ACAD9: variants seen among roughly 807,000 people sequenced by gnomAD.
The protein encoded by ACAD9 is complex I assembly factor ACAD9, mitochondrial.
Under a neutral mutation model 70.2 loss-of-function variants are expected in ACAD9, and 53 were observed. That is an observed-to-expected ratio of 0.75 (90% CI 0.61 to 0.95). The LOEUF (loss-of-function observed/expected upper bound fraction) is 0.95, where lower values mean the gene tolerates loss of function less well. ACAD9 is among the 40% of genes least tolerant of loss of function. ACAD9 has a pLI of 0.00. For missense variants in ACAD9, 777 were observed against 802.8 expected, an observed-to-expected ratio of 0.97 and a Z score of 0.39; for synonymous variants, 313 against 312.1, an observed-to-expected ratio of 1.00 and a Z score of -0.03.
chr3:128,883,239 G>A (rs1935144693), intron 1 of ACAD9, among the ~76,000 whole-genome samples: 2 of 152,070 alleles, frequency 1.3e-5, no homozygotes, highest in Admixed American at 1.3e-4. Context: ...ACAGGCGTGT[G>A]CAACCACGCC....
chr3:128,886,008 C>A (rs1440758046), intron 2 of ACAD9, among the ~76,000 whole-genome samples: 6 of 145,596 alleles, frequency 4.1e-5, no homozygotes, highest in Non-Finnish European at 7.5e-5. Flanking sequence ...CAGAGTGTGA[C>A]TTTGTCTAAA....
chr3:128,906,217 C>T lies in ACAD9; in HGVS notation c.1246C>T (p.Leu416=), dbSNP rs1362134913. The change falls in exon 12 of 18, where the codon CTG becomes TTG. Residue 416 remains leucine, a synonymous_variant. Transcript: ENST00000308982. ...YTRDYPYERI[L]RDTRILLIFE... is the part of the protein sequence containing the mutation. Reference sequence around the variant, plus strand: ...AAGGGACTATCCGTACGAGCGCATACTGCGTGACACCCGCATCCTCCTCAT... The same window carrying T: ...AAGGGACTATCCGTACGAGCGCATATTGCGTGACACCCGCATCCTCCTCAT... 3.1e-6 allele frequency: 5 copies of T among 1,614,204 alleles called. No individual in the cohort carries two copies. Among genetic ancestry groups the T allele is most frequent in the African/African-American group, 2.7e-5 (2 of 75,070 alleles).
At chr3:128,890,362 A>G (rs1041077844) in intron 2 of ACAD9, among the ~76,000 whole-genome samples, 2 of 152,118 alleles carry the variant, frequency 1.3e-5, no homozygotes, top group African/African-American at 4.8e-5. Context: ...CTCGGATTAC[A>G]GGTGAGAGCC....
chr3:128,903,819 T>C (rs986768490), intron 9 of ACAD9, among the ~76,000 whole-genome samples: 1 of 152,124 alleles, frequency 6.6e-6, no homozygotes, highest in Non-Finnish European at 1.5e-5. Context: ...GTAAGAACCA[T>C]TGCCAGGATT....
chr3:128,908,882 A>G (rs1936004518), intron 13 of ACAD9, 91 bp from the exon 14 acceptor site: 1 of 1,601,200 alleles, frequency 6.2e-7, no homozygotes, highest in Non-Finnish European at 8.5e-7. Flanking sequence ...AGAGGGGGGC[A>G]CGGAGCTTCT....
At chr3:128,899,080 T>A (rs1424969966) in intron 6 of ACAD9, among the ~76,000 whole-genome samples, 3 of 151,914 alleles carry the variant, frequency 2.0e-5, no homozygotes, top group African/African-American at 7.2e-5. Flanking sequence ...TGGCCATCCA[T>A]GTCCCTTGGG....
At chr3:128,886,455 TC>T (rs1370414941) in intron 2 of ACAD9, among the ~76,000 whole-genome samples, 3 of 149,638 alleles carry the variant, frequency 2.0e-5, no homozygotes, top group Non-Finnish European at 3.0e-5. Flanking sequence ...ACACCTGTAA[TC>T]CCAGCACTTA....
At chr3:128,897,513 C>T in intron 5 of ACAD9, 119 bp from the exon 6 acceptor site, 1 of 868,576 alleles carries the variant, frequency 1.2e-6, no homozygotes, top group East Asian at 2.6e-5. Flanking sequence ...TTATCTGACC[C>T]TTCATTTTAA....
At chr3:128,910,540 G>A (rs1251894464) in intron 16 of ACAD9, among the ~76,000 whole-genome samples, 3 of 152,204 alleles carry the variant, frequency 2.0e-5, no homozygotes, top group Non-Finnish European at 4.4e-5. Flanking sequence ...AGGAAACAGG[G>A]TCAGAGATGT....
intron 11 of ACAD9, 70 bp from the exon 12 acceptor site, chr3:128,906,051 C>CT (rs1935879128): frequency 1.2e-6 from 2 of 1,610,972 alleles, no homozygotes; most frequent in African/African-American, 2.7e-5. Context: ...CCTCCCATGC[C>CT]TCCCCAGCCA....
chr3:128,880,702 C>A (rs528400506), intron 1 of ACAD9, among the ~76,000 whole-genome samples: 1 of 152,274 alleles, frequency 6.6e-6, no homozygotes, highest in African/African-American at 2.4e-5. Context: ...TCAGTTCTTT[C>A]AGCCTTAAAA....
intron 12 of ACAD9, among the ~76,000 whole-genome samples, chr3:128,907,963 TG>T (rs753198876): frequency 7.9e-5 from 12 of 151,986 alleles, no homozygotes. Flanking sequence ...CACGGAGAGG[TG>T]GGGGGGTCCC....
intron 1 of ACAD9, 150 bp downstream of exon 1, chr3:128,879,991 T>A: frequency 6.4e-7 from 1 of 1,551,642 alleles, no homozygotes; most frequent in South Asian, 1.2e-5. Context: ...GATTCCTGAG[T>A]TCCAGGAAAA....
At chr3:128,899,954 C>G (rs1043814770) in intron 7 of ACAD9, among the ~76,000 whole-genome samples, 2 of 152,188 alleles carry the variant, frequency 1.3e-5, no homozygotes, top group Non-Finnish European at 2.9e-5. Flanking sequence ...CCGTGGGAGA[C>G]ATAGTCTCCC....
chr3:128,909,692 C>T, intron 15 of ACAD9: 1 of 600,270 alleles, frequency 1.7e-6, no homozygotes, highest in East Asian at 2.8e-5. Flanking sequence ...GAGGGCAGCT[C>T]CACCTGGGGC....
rs766305690 is a variant in ACAD9 at position 128,906,250 on chromosome 3, G to T, written c.1278+1G>T. On this transcript the variant is annotated splice_donor_variant, in intron 12 of 17. Coordinates refer to ENST00000308982, the MANE Select transcript of ACAD9 (RefSeq NM_014049.5). LOFTEE classifies it high-confidence loss of function. The stretch of plus-strand genomic sequence containing the variant: ...CACCCGCATCCTCCTCATCTTCGAG[G>T]TGAGTGGCCCCGCCACCAGCTAAGC... The T allele has an allele frequency of 1.9e-6, 3 of 1,613,892 alleles. No homozygotes were observed. The highest frequency in any genetic ancestry group is 2.2e-5 in the East Asian group (1 of 44,892).
intron 11 of ACAD9, among the ~76,000 whole-genome samples, chr3:128,905,706 G>A (rs112685626): frequency 0.031 from 4,717 of 152,308 alleles, 111 homozygotes; most frequent in Non-Finnish European, 0.048. Flanking sequence ...TTAGTTTGCT[G>A]TAGGCCAGCC....
intron 15 of ACAD9, 51 bp from the exon 16 acceptor site, chr3:128,909,970 G>T (rs115174494): frequency 3.1e-6 from 5 of 1,605,268 alleles, no homozygotes; most frequent in South Asian, 2.2e-5. Flanking sequence ...GGGACCATGT[G>T]GGGGACTGGT....
chr3:128,885,777 G>A (rs1317057125), intron 2 of ACAD9, among the ~76,000 whole-genome samples: 2 of 152,076 alleles, frequency 1.3e-5, no homozygotes, highest in Non-Finnish European at 2.9e-5. Context: ...AGCACTTTGG[G>A]AGGCCAACGG....
Sources: gnomAD v4.1 joint callset for allele counts (sites outside exome capture counted in the v4.1 genomes callset) on GRCh38, gnomAD v4.1.1 for gene constraint, MANE v1.5 for transcripts, NCBI Gene and HGNC (gene_info 2026-07-23, HGNC 2026-07-21) for gene names.